Variants in BMAL1 observed in about 807,000 individuals in gnomAD.
BMAL1 encodes basic helix-loop-helix ARNT like 1.
chr11:13,293,265 A>G, the BMAL1 span, among the ~76,000 whole-genome samples: 1 of 152,206 alleles, frequency 6.6e-6, no homozygotes, highest in Non-Finnish European at 1.5e-5. Flanking sequence ...AGTAAAAGGA[A>G]ATTCACCAGT....
chr11:13,306,220 C>T, the BMAL1 span, among the ~76,000 whole-genome samples: 6 of 151,114 alleles, frequency 4.0e-5, no homozygotes, highest in South Asian at 8.4e-4. Flanking sequence ...GCAGGAGGGC[C>T]GTGGAGGCTC....
the BMAL1 span, chr11:13,355,357 G>T: frequency 2.7e-6 from 4 of 1,503,424 alleles, no homozygotes; most frequent in Non-Finnish European, 3.7e-6. Context: ...GGGTATGAGG[G>T]CTGTGAGGGC....
At chr11:13,385,876 A>G in the BMAL1 span, 1 of 1,014,072 alleles carries the variant, frequency 9.9e-7, no homozygotes, top group Non-Finnish European at 1.5e-6. Context: ...GAACTGTGTG[A>G]AACAAGCTAA....
At chr11:13,286,266 T>C in the BMAL1 span, among the ~76,000 whole-genome samples, 1 of 152,266 alleles carries the variant, frequency 6.6e-6, no homozygotes, top group Non-Finnish European at 1.5e-5. Flanking sequence ...CAGTCACTTC[T>C]CCTACTGTAT....
At chr11:13,386,837 A>T in the BMAL1 span, 10 of 1,515,302 alleles carry the variant, frequency 6.6e-6, 1 homozygote, top group South Asian at 1.3e-4. Flanking sequence ...AGCTTACTGG[A>T]TAAGGAGAGA....
chr11:13,381,129 A>AG, the BMAL1 span: 32 of 1,606,598 alleles, frequency 2.0e-5, no homozygotes, highest in Non-Finnish European at 2.7e-5. Context: ...CACTGAAAAA[A>AG]GAAAAGGCAG....
At chr11:13,295,779 T>C in the BMAL1 span, among the ~76,000 whole-genome samples, 1 of 152,156 alleles carries the variant, frequency 6.6e-6, no homozygotes, top group Non-Finnish European at 1.5e-5. Flanking sequence ...AGCTTATATT[T>C]TCTCTCCTAT....
chr11:13,282,721 A>G, the BMAL1 span, among the ~76,000 whole-genome samples: 2 of 152,206 alleles, frequency 1.3e-5, no homozygotes, highest in East Asian at 1.9e-4. Context: ...GTTCTGCTGC[A>G]TTCCATATTG....
chr11:13,356,652 G>A, the BMAL1 span: 1 of 1,506,436 alleles, frequency 6.6e-7, no homozygotes, highest in Non-Finnish European at 9.1e-7. Context: ...TTGGTTTCTG[G>A]ATAAATGAGA....
At chr11:13,351,720 C>CTTGGG in the BMAL1 span, among the ~76,000 whole-genome samples, 1 of 152,142 alleles carries the variant, frequency 6.6e-6, no homozygotes, top group Non-Finnish European at 1.5e-5. Context: ...AGCCAAGAGA[C>CTTGGG]AGTGAGAAGG....
At chr11:13,331,664 G>A in the BMAL1 span, among the ~76,000 whole-genome samples, 1 of 152,180 alleles carries the variant, frequency 6.6e-6, no homozygotes, top group Admixed American at 6.5e-5. Context: ...TGATCATGGT[G>A]GGTTTTTTCT....
the BMAL1 span, among the ~76,000 whole-genome samples, chr11:13,373,342 A>G: frequency 6.6e-6 from 1 of 152,280 alleles, no homozygotes; most frequent in East Asian, 1.9e-4. Context: ...TTTTCTGGCT[A>G]CTAGAGACAG....
At chr11:13,370,138 G>C in the BMAL1 span, among the ~76,000 whole-genome samples, 6 of 152,120 alleles carry the variant, frequency 3.9e-5, no homozygotes, top group Admixed American at 1.3e-4. Context: ...TTTTTCCTTT[G>C]TCTTCCTTCT....
At chr11:13,386,728 A>C in the BMAL1 span, 1 of 1,614,110 alleles carries the variant, frequency 6.2e-7, no homozygotes, top group Non-Finnish European at 8.5e-7. Context: ...GGCCCTGTTG[A>C]CTTTAGTGAC....
At chr11:13,294,275 G>T in the BMAL1 span, among the ~76,000 whole-genome samples, 3 of 152,130 alleles carry the variant, frequency 2.0e-5, no homozygotes, top group Non-Finnish European at 4.4e-5. Context: ...TTCACAGTGC[G>T]CTCTAAACTC....
At chr11:13,373,974 T>C in the BMAL1 span, 1 of 769,354 alleles carries the variant, frequency 1.3e-6, no homozygotes, top group East Asian at 2.6e-5. Flanking sequence ...TCCATCCAGC[T>C]CTTTTGCCTG....
chr11:13,288,797 A>G, the BMAL1 span, among the ~76,000 whole-genome samples: 1 of 152,186 alleles, frequency 6.6e-6, no homozygotes, highest in South Asian at 2.1e-4. Flanking sequence ...AATTATGTTA[A>G]TCAGCATGGT....
At chr11:13,348,029 G>A in the BMAL1 span, among the ~76,000 whole-genome samples, 1 of 152,138 alleles carries the variant, frequency 6.6e-6, no homozygotes, top group Non-Finnish European at 1.5e-5. Flanking sequence ...GAGGAGACAC[G>A]CCTACAAGCA....
the BMAL1 span, among the ~76,000 whole-genome samples, chr11:13,355,867 C>G: frequency 6.6e-6 from 1 of 152,108 alleles, no homozygotes; most frequent in African/African-American, 2.4e-5. Flanking sequence ...GCTATTTTTG[C>G]CCTTGGGATT....
Sources: gnomAD v4.1 joint callset for allele counts (sites outside exome capture counted in the v4.1 genomes callset) on GRCh38, gnomAD v4.1.1 for gene constraint, MANE v1.5 for transcripts, NCBI Gene and HGNC (gene_info 2026-07-23, HGNC 2026-07-21) for gene names.